AGBL4: variants seen among roughly 807,000 people sequenced by gnomAD.
AGBL4 encodes cytosolic carboxypeptidase 6.
Under a neutral mutation model 66.4 loss-of-function variants are expected in AGBL4, and 58 were observed. The observed-to-expected ratio is 0.87, with a 90% CI of 0.71 to 1.09. AGBL4 has a LOEUF of 1.09. AGBL4 is among the 50% of genes least tolerant of loss of function. AGBL4 has a pLI of 0.00. For synonymous variants in AGBL4, 234 were observed against 222.9 expected (o/e 1.05, Z -0.44); for missense variants, 579 against 631.0 (o/e 0.92, Z 0.88).
chr1:48,616,875 C>T (rs1038561075), intron 9 of AGBL4, among the ~76,000 whole-genome samples: 6 of 152,336 alleles, frequency 3.9e-5, no homozygotes, highest in African/African-American at 1.2e-4. Context: ...CTGGGTCCTT[C>T]GTTCTTTCCT....
At chr1:48,559,308 C>T (rs947364833) in intron 11 of AGBL4, among the ~76,000 whole-genome samples, 3 of 152,106 alleles carry the variant, frequency 2.0e-5, no homozygotes, top group Admixed American at 1.3e-4. Context: ...TCCCTTAGCC[C>T]ACAGTTAGTA....
chr1:48,725,275 TAAAA>T (rs1467159661), intron 6 of AGBL4, among the ~76,000 whole-genome samples: 1 of 152,186 alleles, frequency 6.6e-6, no homozygotes, highest in Non-Finnish European at 1.5e-5. Context: ...ACATCTGTGT[TAAAA>T]TACACATTCC....
At chr1:48,722,985 A>C (rs953778184) in intron 6 of AGBL4, among the ~76,000 whole-genome samples, 16 of 152,222 alleles carry the variant, frequency 1.1e-4, no homozygotes, top group Non-Finnish European at 1.9e-4. Flanking sequence ...TCCCGTTATT[A>C]AAATGAGAAA....
chr1:48,776,452 C>T (rs1251707379), intron 6 of AGBL4, among the ~76,000 whole-genome samples: 1 of 152,154 alleles, frequency 6.6e-6, no homozygotes, highest in East Asian at 1.9e-4. Flanking sequence ...TTAGAGACAC[C>T]CCGTTCCCAA....
At chr1:48,756,976 A>G (rs1021426311) in intron 6 of AGBL4, among the ~76,000 whole-genome samples, 4 of 152,228 alleles carry the variant, frequency 2.6e-5, no homozygotes, top group African/African-American at 9.6e-5. Context: ...CAAGACACTG[A>G]AACTATGCTT....
intron 4 of AGBL4, among the ~76,000 whole-genome samples, chr1:49,234,241 C>T (rs796867546): frequency 6.6e-6 from 1 of 152,194 alleles, no homozygotes; most frequent in African/African-American, 2.4e-5. Context: ...GTCATATGCC[C>T]CCAAGGAACT....
At chr1:49,827,413 G>A (rs1007396916) in intron 2 of AGBL4, among the ~76,000 whole-genome samples, 3 of 152,084 alleles carry the variant, frequency 2.0e-5, no homozygotes, top group African/African-American at 7.2e-5. Flanking sequence ...AAGTTTTAAG[G>A]TCAAAAGGGC....
intron 11 of AGBL4, among the ~76,000 whole-genome samples, chr1:48,582,735 G>A (rs1379116224): frequency 6.6e-6 from 1 of 152,086 alleles, no homozygotes; most frequent in African/African-American, 2.4e-5. Context: ...TTTACAAATC[G>A]GGAAACAGAT....
intron 6 of AGBL4, among the ~76,000 whole-genome samples, chr1:48,724,405 C>G (rs1182671401): frequency 3.3e-5 from 5 of 152,134 alleles, no homozygotes; most frequent in Non-Finnish European, 7.3e-5. Context: ...TGCAGCCAGG[C>G]CCTTCACAAA....
chr1:48,616,019 G>A (rs1293620721), intron 9 of AGBL4, among the ~76,000 whole-genome samples: 1 of 152,156 alleles, frequency 6.6e-6, no homozygotes, highest in Non-Finnish European at 1.5e-5. Context: ...ATCCATGAGG[G>A]AGGGGCCCTC....
intron 5 of AGBL4, among the ~76,000 whole-genome samples, chr1:48,898,887 G>C (rs1316596751): frequency 6.6e-6 from 1 of 152,130 alleles, no homozygotes; most frequent in Non-Finnish European, 1.5e-5. Flanking sequence ...CAAGAGCGTC[G>C]CTCTCCAGGT....
intron 11 of AGBL4, among the ~76,000 whole-genome samples, chr1:48,570,796 G>C (rs1644549926): frequency 6.6e-6 from 1 of 152,162 alleles, no homozygotes; most frequent in South Asian, 2.1e-4. Context: ...GGGGATGTGT[G>C]CTTGAGATTT....
intron 1 of AGBL4, among the ~76,000 whole-genome samples, chr1:49,975,279 C>A (rs1292432272): frequency 1.3e-5 from 2 of 152,182 alleles, no homozygotes; most frequent in South Asian, 2.1e-4. Flanking sequence ...TAATGAAATT[C>A]TATTTCATAA....
chr1:48,984,242 C>T (rs113665718), intron 5 of AGBL4, among the ~76,000 whole-genome samples: 32 of 151,832 alleles, frequency 2.1e-4, no homozygotes, highest in African/African-American at 7.0e-4. Flanking sequence ...TCCACTACCA[C>T]TTTTCAGATG....
chr1:48,946,078 T>A (rs1656481121), intron 5 of AGBL4, among the ~76,000 whole-genome samples: 1 of 152,160 alleles, frequency 6.6e-6, no homozygotes, highest in Non-Finnish European at 1.5e-5. Flanking sequence ...TCTTCCCTAT[T>A]GAAATTGAGC....
At chr1:48,566,043 A>G (rs1296332458) in intron 11 of AGBL4, among the ~76,000 whole-genome samples, 1 of 152,196 alleles carries the variant, frequency 6.6e-6, no homozygotes, top group Non-Finnish European at 1.5e-5. Context: ...TGTTAATACA[A>G]TAATTTCCTC....
chr1:49,504,073 C>A (rs573392093), intron 3 of AGBL4, among the ~76,000 whole-genome samples: 1 of 152,060 alleles, frequency 6.6e-6, no homozygotes, highest in East Asian at 1.9e-4. Context: ...AAGGGTGGGA[C>A]AAGGTGGAGA....
At chr1:48,825,128 C>T (rs577921214) in intron 6 of AGBL4, among the ~76,000 whole-genome samples, 4 of 152,222 alleles carry the variant, frequency 2.6e-5, no homozygotes, top group African/African-American at 7.2e-5. Context: ...GCAGGGGTAG[C>T]TTGGAGGGAG....
intron 3 of AGBL4, among the ~76,000 whole-genome samples, chr1:49,345,627 T>C (rs965410322): frequency 6.6e-6 from 1 of 152,176 alleles, no homozygotes; most frequent in Admixed American, 6.5e-5. Flanking sequence ...AAATTGTTGG[T>C]GATACTTTCT....
Sources: allele counts gnomAD v4.1 joint callset (sites outside exome capture counted in the v4.1 genomes callset), GRCh38; gene constraint gnomAD v4.1.1; transcripts MANE v1.5; gene names NCBI Gene and HGNC (gene_info 2026-07-23, HGNC 2026-07-21).